The following ZSCAN25 variants were observed in gnomAD, a reference collection of about 807,000 sequenced individuals.
ZSCAN25 encodes zinc finger and SCAN domain-containing protein 25.
ZSCAN25 carries 27 observed loss-of-function variants against 38.7 expected under a neutral mutation model. That is an observed-to-expected ratio of 0.70 (90% CI 0.51 to 0.96). The LOEUF (loss-of-function observed/expected upper bound fraction) is 0.96, where lower values mean the gene tolerates loss of function less well. Ranked by LOEUF, ZSCAN25 falls within the 40% of genes least tolerant of loss-of-function variation. The pLI, the probability that ZSCAN25 is intolerant of heterozygous loss-of-function variation, is 0.00. For synonymous variants in ZSCAN25, 273 were observed against 277.7 expected (o/e 0.98, Z 0.17); for missense variants, 637 against 705.9 (o/e 0.90, Z 1.11).
At chr7:99,651,018 T>C in the ZSCAN25 span, among the ~76,000 whole-genome samples, 6 of 152,244 alleles carry the variant, frequency 3.9e-5, no homozygotes, top group African/African-American at 9.6e-5. Context: ...AATGGCATTG[T>C]TGTCATATGT....
chr7:99,721,788 T>TA, the ZSCAN25 span, among the ~76,000 whole-genome samples: 959 of 152,208 alleles, frequency 6.3e-3, 6 homozygotes, highest in African/African-American at 0.022. Context: ...TGTGTGTGAT[T>TA]AAAAACCTTG....
intron 7 of ZSCAN25, among the ~76,000 whole-genome samples, chr7:99,624,886 G>A (rs970490625): frequency 1.3e-5 from 2 of 152,246 alleles, no homozygotes; most frequent in Admixed American, 6.5e-5. Context: ...GTCTGCATGC[G>A]TGGAATCAGG....
chr7:99,708,533 C>T, the ZSCAN25 span, among the ~76,000 whole-genome samples: 6 of 152,132 alleles, frequency 3.9e-5, 1 homozygote, highest in Middle Eastern at 0.01. Context: ...CCCACACCTC[C>T]ATAGAATAGT....
chr7:99,709,125 A>G, the ZSCAN25 span: 8 of 1,614,008 alleles, frequency 5.0e-6, no homozygotes, highest in Non-Finnish European at 6.8e-6. Flanking sequence ...CCCTTTGGGA[A>G]TAAACATCCC....
chr7:99,665,014 T>C, the ZSCAN25 span: 47 of 786,070 alleles, frequency 6.0e-5, 1 homozygote, highest in South Asian at 9.0e-4. Flanking sequence ...AAAAACATTT[T>C]AGTTTACAAT....
chr7:99,693,447 G>A, the ZSCAN25 span, among the ~76,000 whole-genome samples: 1 of 152,222 alleles, frequency 6.6e-6, no homozygotes, highest in African/African-American at 2.4e-5. Flanking sequence ...AGACAGGGAC[G>A]TTTAAGTCTG....
chr7:99,727,242 A>G, the ZSCAN25 span, among the ~76,000 whole-genome samples: 58 of 152,280 alleles, frequency 3.8e-4, 2 homozygotes, highest in South Asian at 0.012. Context: ...CTTTTTGTCC[A>G]AACAACTTGA....
chr7:99,643,208 AGGAT>A, the ZSCAN25 span, among the ~76,000 whole-genome samples: 1 of 152,196 alleles, frequency 6.6e-6, no homozygotes, highest in African/African-American at 2.4e-5. Context: ...CATTATGTGC[AGGAT>A]GAGAAAGGGA....
downstream of ZSCAN25, among the ~76,000 whole-genome samples, chr7:99,634,025 A>G (rs977912464): frequency 5.3e-5 from 8 of 152,216 alleles, no homozygotes; most frequent in Non-Finnish European, 1.2e-4. Flanking sequence ...TGGTCAACTC[A>G]TAGATGGGCC....
chr7:99,644,492 G>A, the ZSCAN25 span, among the ~76,000 whole-genome samples: 1 of 152,114 alleles, frequency 6.6e-6, no homozygotes, highest in African/African-American at 2.4e-5. Flanking sequence ...GCATGAGGGG[G>A]ACTAAAAGCA....
At chr7:99,626,826 G>C (rs558862640) in intron 7 of ZSCAN25, among the ~76,000 whole-genome samples, 3 of 152,298 alleles carry the variant, frequency 2.0e-5, no homozygotes, top group Admixed American at 2.0e-4. Context: ...TGAAGGTGGT[G>C]AATGTAAGGC....
the ZSCAN25 span, among the ~76,000 whole-genome samples, chr7:99,643,777 C>G: frequency 3.2e-4 from 48 of 151,560 alleles, no homozygotes; most frequent in African/African-American, 4.4e-4. Context: ...TTGCTCCCCC[C>G]TCTCAGCCCC....
chr7:99,647,871 A>T, the ZSCAN25 span: 1 of 984,870 alleles, frequency 1.0e-6, no homozygotes, highest in Admixed American at 6.1e-5. Flanking sequence ...GGATTTTATC[A>T]CTTCGCTTAA....
At chr7:99,677,143 G>A in the ZSCAN25 span, 1 of 979,162 alleles carries the variant, frequency 1.0e-6, no homozygotes, top group Non-Finnish European at 1.2e-6. Context: ...GGCCTGCCTG[G>A]AACTCATCTT....
the ZSCAN25 span, chr7:99,731,296 A>G: frequency 7.5e-6 from 7 of 931,448 alleles, no homozygotes; most frequent in East Asian, 5.3e-5. Flanking sequence ...TCTGACGGCA[A>G]TGATTATATT....
chr7:99,696,867 G>C, the ZSCAN25 span, among the ~76,000 whole-genome samples: 1 of 152,156 alleles, frequency 6.6e-6, no homozygotes, highest in Non-Finnish European at 1.5e-5. Context: ...GTGACAATGA[G>C]TTTTTATGAG....
chr7:99,652,653 C>T, the ZSCAN25 span: 1 of 1,613,950 alleles, frequency 6.2e-7, no homozygotes, highest in Non-Finnish European at 8.5e-7. Flanking sequence ...ATGAATACCC[C>T]ATTGATTTCA....
the ZSCAN25 span, among the ~76,000 whole-genome samples, chr7:99,719,141 G>A: frequency 6.6e-6 from 1 of 152,150 alleles, no homozygotes; most frequent in African/African-American, 2.4e-5. Flanking sequence ...TATAGACACT[G>A]AGAGACTCAT....
At position 99,631,811 on chromosome 7, in the gene ZSCAN25, CT is replaced by C; in HGVS notation, c.*1792del. The C allele has an allele frequency of 1.0e-6, 1 of 985,428 alleles. No individual in the cohort carries two copies. Among genetic ancestry groups the C allele is most frequent in the Non-Finnish European group, 1.2e-6 (1 of 829,934 alleles). The allele number at this position is 985,428 out of a possible 1,614,324, so 61.0% of individuals were successfully genotyped here. ...AGCTGTGCCCACGAGGCTGCACTGACTGGGTCGTAAATGTATCTGAGATGTC... is the reference window on the plus strand; with the variant it reads ...AGCTGTGCCCACGAGGCTGCACTGACGGGTCGTAAATGTATCTGAGATGTC... On this transcript the variant is annotated 3_prime_UTR_variant, in exon 8 of 8. Transcript: ENST00000394152.
Sources: gnomAD v4.1 joint callset for allele counts (sites outside exome capture counted in the v4.1 genomes callset) on GRCh38, gnomAD v4.1.1 for gene constraint, MANE v1.5 for transcripts, NCBI Gene and HGNC (gene_info 2026-07-23, HGNC 2026-07-21) for gene names.